SESTD1: variants seen among roughly 807,000 people sequenced by gnomAD.
The protein encoded by SESTD1 is SEC14 domain and spectrin repeat-containing protein 1.
Under a neutral mutation model 101.7 loss-of-function variants are expected in SESTD1, and 43 were observed. The ratio of observed to expected loss-of-function variants is 0.42; its 90% CI spans 0.33 to 0.55. The LOEUF (loss-of-function observed/expected upper bound fraction) is 0.55, where lower values mean the gene tolerates loss of function less well. SESTD1 is among the 20% of genes least tolerant of loss of function. The pLI, the probability that SESTD1 is intolerant of heterozygous loss-of-function variation, is 0.07. For synonymous variants in SESTD1, 283 were observed against 286.8 expected, an observed-to-expected ratio of 0.99 and a Z score of 0.13; for missense variants, 647 against 815.1, an observed-to-expected ratio of 0.79 and a Z score of 2.51.
intron 2 of SESTD1, among the ~76,000 whole-genome samples, chr2:179,190,012 A>G (rs1310464801): frequency 2.0e-5 from 3 of 152,162 alleles, no homozygotes; most frequent in African/African-American, 7.2e-5. Flanking sequence ...TGCTATTCAT[A>G]TCAAACTACC....
intron 1 of SESTD1, among the ~76,000 whole-genome samples, chr2:179,196,003 G>A (rs537141181): frequency 4.5e-4 from 69 of 152,274 alleles, no homozygotes; most frequent in African/African-American, 1.5e-3. Context: ...CAGCATGAAC[G>A]ACACAGAATA....
intron 1 of SESTD1, among the ~76,000 whole-genome samples, chr2:179,215,718 T>C (rs747632217): frequency 7.4e-6 from 1 of 134,878 alleles, no homozygotes; most frequent in East Asian, 2.0e-4. Flanking sequence ...ATATCCCCGA[T>C]GAACACTGAT....
Position 179,172,244 on chromosome 2 carries a change from C to A in SESTD1, c.256-11G>T. 1.3e-6 allele frequency: 2 copies of A among 1,524,140 alleles called. No individual in the cohort carries two copies. The highest frequency in any genetic ancestry group is 2.4e-5 in the South Asian group (2 of 82,250). 94.4% of individuals were successfully genotyped at this position (1,524,140 alleles called of 1,614,324 possible). ...AGCTGGAACAACATTCTATAAAATA[C>A]AGAAAAATAATTACAAATTACACAT... On this transcript the variant is annotated splice_polypyrimidine_tract_variant and intron_variant, in intron 4 of 17. Coordinates refer to ENST00000428443, the MANE Select transcript of SESTD1 (RefSeq NM_178123.5).
chr2:179,239,393 GTTT>G lies in SESTD1; in HGVS notation c.-26+25103_-26+25105del, dbSNP rs397736076. On this transcript the variant is annotated intron_variant, in intron 1 of 17. Coordinates refer to ENST00000428443, the MANE Select transcript of SESTD1 (RefSeq NM_178123.5). Reference sequence around the variant, plus strand: ...ATGAGTCATCTGCAGGAAGTACAAGGTTTTTTTTTTGAATCTGCTAAGGTAAAG... The same window carrying G: ...ATGAGTCATCTGCAGGAAGTACAAGGTTTTTTTGAATCTGCTAAGGTAAAG... Among the ~76,000 whole-genome samples the G allele has an allele frequency of 4.4e-3, 652 of 149,562 alleles. 4 individuals carry two copies. Among genetic ancestry groups the G allele is most frequent in the African/African-American group, 0.015 (605 of 40,830 alleles).
chr2:179,161,611 G>A (rs1438654559), intron 5 of SESTD1, among the ~76,000 whole-genome samples: 32 of 149,832 alleles, frequency 2.1e-4, no homozygotes, highest in East Asian at 5.9e-4. Flanking sequence ...GCAGGGAGCC[G>A]AGATCACGCC....
In SESTD1 at chr2:179,105,452, T is replaced by C. The variant is rs1338653634; in HGVS notation, c.*4447A>G. 1 of 152,056 alleles carries C rather than the reference T, an allele frequency of 6.6e-6. No homozygotes were observed. Among genetic ancestry groups the C allele is most frequent in the East Asian group, 1.9e-4 (1 of 5,186 alleles). 9.4% of individuals were successfully genotyped at this position (152,056 alleles called of 1,614,324 possible). On this transcript the variant is annotated 3_prime_UTR_variant, in exon 18 of 18. Coordinates refer to ENST00000428443, the MANE Select transcript of SESTD1 (RefSeq NM_178123.5). ...GTTATTTACTGATGAGCTTACCAAC[T>C]GGACCTTTTGTATCTTCAGTGTGTA...
At chr2:179,164,863 C>A (rs2045807609) in intron 5 of SESTD1, among the ~76,000 whole-genome samples, 1 of 152,130 alleles carries the variant, frequency 6.6e-6, no homozygotes, top group Non-Finnish European at 1.5e-5. Context: ...ATCTTTGTTG[C>A]AGATAATTTA....
At chr2:179,193,541 T>A (rs145864654) in intron 1 of SESTD1, among the ~76,000 whole-genome samples, 120 of 152,354 alleles carry the variant, frequency 7.9e-4, no homozygotes, top group Middle Eastern at 3.4e-3. Context: ...AAGACCTGAT[T>A]TGAAAGTTTG....
At chr2:179,264,326 G>A (rs1472947923) in intron 1 of SESTD1, 173 bp downstream of exon 1, 1 of 151,772 alleles carries the variant, frequency 6.6e-6, no homozygotes, top group Non-Finnish European at 1.5e-5. Flanking sequence ...AGGCGGTGGC[G>A]GGGCGGGGGC....
At chr2:179,212,372 T>A (rs1293454987) in intron 1 of SESTD1, among the ~76,000 whole-genome samples, 1 of 136,562 alleles carries the variant, frequency 7.3e-6, no homozygotes, top group African/African-American at 2.9e-5. Context: ...GCAGGTCCCA[T>A]GCCCACGGAG....
At chr2:179,184,552 C>A (rs1301288180) in intron 2 of SESTD1, among the ~76,000 whole-genome samples, 2 of 150,710 alleles carry the variant, frequency 1.3e-5, no homozygotes, top group Non-Finnish European at 1.5e-5. Flanking sequence ...GAATATGTGT[C>A]ATTTCTCAAA....
chr2:179,153,324 A>T (rs1356603187), intron 5 of SESTD1, among the ~76,000 whole-genome samples: 1 of 152,200 alleles, frequency 6.6e-6, no homozygotes, highest in African/African-American at 2.4e-5. Flanking sequence ...AGTGAGTGAG[A>T]TGGGATATTA....
intron 1 of SESTD1, among the ~76,000 whole-genome samples, chr2:179,201,282 G>A (rs1234313540): frequency 7.7e-6 from 1 of 130,306 alleles, no homozygotes; most frequent in African/African-American, 3.2e-5. Context: ...AACAGGTGCT[G>A]GAGAGGATGT....
rs536727577 is a variant in SESTD1 at position 179,210,121 on chromosome 2, C to A, written c.-25-18255G>T. ...GGGTAAATTCCTGGAAATATACAAC[C>A]CTCCTAGATTAAACCAGGAAGAAAG... On this transcript the variant is annotated intron_variant, in intron 1 of 17. Coordinates refer to ENST00000428443, the MANE Select transcript of SESTD1 (RefSeq NM_178123.5). Among the ~76,000 whole-genome samples the A allele has an allele frequency of 6.7e-4, 89 of 132,748 alleles. 20 individuals are homozygous for A. The highest frequency in any genetic ancestry group is 6.0e-4 in the Non-Finnish European group (37 of 61,992). The allele number at this position is 132,748 out of a possible 152,430, so 87.1% of individuals were successfully genotyped here.
At chr2:179,178,768 T>C (rs577618640) in intron 3 of SESTD1, among the ~76,000 whole-genome samples, 13 of 152,304 alleles carry the variant, frequency 8.5e-5, no homozygotes, top group Non-Finnish European at 1.6e-4. Context: ...CCATGTGCCA[T>C]TCTCATAATG....
chr2:179,224,128 A>T (rs1264956886), intron 1 of SESTD1, among the ~76,000 whole-genome samples: 2 of 152,220 alleles, frequency 1.3e-5, no homozygotes, highest in Non-Finnish European at 2.9e-5. Context: ...ACATGGCCTA[A>T]TCTAAAAAAT....
Position 179,230,970 on chromosome 2 carries a change from GA to G in SESTD1, c.-26+33528del, listed in dbSNP as rs2046978880. Reference sequence around the variant, plus strand: ...AGATTCAAGCAACTTACAGGGGCAAGAAAATTAAGACTGGCATCAGACTTCT... The same window carrying G: ...AGATTCAAGCAACTTACAGGGGCAAGAAATTAAGACTGGCATCAGACTTCT... On this transcript the variant is annotated intron_variant, in intron 1 of 17. Transcript: ENST00000428443. Among the ~76,000 whole-genome samples the G allele has an allele frequency of 2.6e-5, 4 of 152,060 alleles. No individual in the cohort carries two copies. In the South Asian group the frequency reaches 8.3e-4, roughly 31 times the overall value.
chr2:179,141,414 GTCA>G (rs1256600838), intron 9 of SESTD1, among the ~76,000 whole-genome samples: 1 of 151,878 alleles, frequency 6.6e-6, no homozygotes, highest in Non-Finnish European at 1.5e-5. Context: ...AGCTGTTTGT[GTCA>G]TCATGTAATT....
chr2:179,222,621 T>C (rs1043451378), intron 1 of SESTD1, among the ~76,000 whole-genome samples: 11 of 152,320 alleles, frequency 7.2e-5, no homozygotes, highest in African/African-American at 9.6e-5. Context: ...TTAATACTTA[T>C]ATATGATTCT....
Sources: allele counts gnomAD v4.1 joint callset (sites outside exome capture counted in the v4.1 genomes callset), GRCh38; gene constraint gnomAD v4.1.1; transcripts MANE v1.5; gene names NCBI Gene and HGNC (gene_info 2026-07-23, HGNC 2026-07-21).